ATRNL1: variants seen among roughly 807,000 people sequenced by gnomAD.
The protein encoded by ATRNL1 is attractin like 1, also known as attractin-like protein 1.
Under a neutral mutation model 182.7 loss-of-function variants are expected in ATRNL1, and 95 were observed. The observed-to-expected ratio is 0.52, with a 90% CI of 0.44 to 0.62. The LOEUF is 0.62. ATRNL1 is among the 20% of genes least tolerant of loss of function. The pLI is 0.00. For synonymous variants in ATRNL1, 576 were observed against 568.3 expected, an observed-to-expected ratio of 1.01 and a Z score of -0.19; for missense variants, 1,471 against 1,679.5, an observed-to-expected ratio of 0.88 and a Z score of 2.17.
chr10:115,530,629 T>TTTA (rs1164681076), intron 25 of ATRNL1, among the ~76,000 whole-genome samples: 11 of 151,792 alleles, frequency 7.2e-5, no homozygotes, highest in African/African-American at 2.7e-4. Context: ...AATAAGACTT[T>TTTA]TTATTATTAT....
chr10:115,213,650 C>T (rs1849114853), intron 8 of ATRNL1, among the ~76,000 whole-genome samples: 2 of 150,666 alleles, frequency 1.3e-5, no homozygotes, highest in Non-Finnish European at 2.9e-5. Context: ...AATCAGTCTA[C>T]ACTATCTTGT....
At chr10:115,291,862 A>G (rs1299733692) in intron 15 of ATRNL1, among the ~76,000 whole-genome samples, 1 of 114,674 alleles carries the variant, frequency 8.7e-6, no homozygotes, top group African/African-American at 3.4e-5. Flanking sequence ...TATCAGTGTT[A>G]TGCTGACCTC....
At chr10:115,855,632 A>G (rs1410585527) in intron 28 of ATRNL1, among the ~76,000 whole-genome samples, 1 of 152,196 alleles carries the variant, frequency 6.6e-6, no homozygotes, top group Non-Finnish European at 1.5e-5. Flanking sequence ...ATACTCCACA[A>G]ATGTATACTT....
chr10:115,597,727 T>C (rs1488989821), intron 26 of ATRNL1: 5 of 445,290 alleles, frequency 1.1e-5, no homozygotes, highest in Admixed American at 9.8e-5. Flanking sequence ...TTGTATTTTT[T>C]AGTAGAGATG....
Position 115,165,522 on chromosome 10 carries a change from T to G in ATRNL1, c.1005-36T>G, listed in dbSNP as rs1554884153. 7 of 1,243,180 alleles carry G rather than the reference T, an allele frequency of 5.6e-6. No homozygotes were observed. In the Admixed American group the frequency reaches 9.3e-5, roughly 16 times the overall value. 77.0% of individuals were successfully genotyped at this position (1,243,180 alleles called of 1,614,324 possible). On this transcript the variant is annotated intron_variant, in intron 6 of 28. Coordinates refer to ENST00000355044, the MANE Select transcript of ATRNL1 (RefSeq NM_207303.4). ...AAAATTAAAAAAACAAAAATGAATC[T>G]TAGCTTATGAAGTTATTTTCTTTTC...
Position 115,883,162 on chromosome 10 carries a change from A to G in ATRNL1, c.4018+35171A>G, listed in dbSNP as rs1023130049. 6.6e-5 allele frequency among the ~76,000 whole-genome samples: 10 copies of G among 152,302 alleles called. No individual in the cohort carries two copies. The East Asian group carries it at 1.7e-3, about 26-fold the overall frequency. On this transcript the variant is annotated intron_variant, in intron 28 of 28. Coordinates refer to ENST00000355044, the MANE Select transcript of ATRNL1 (RefSeq NM_207303.4). ...CTGGACCCTGGACAACTCTATACCC[A>G]TCCAAGAACAACATCCATGCAAGAA...
At chr10:115,912,968 A>C (rs546273900) in intron 28 of ATRNL1, among the ~76,000 whole-genome samples, 113 of 152,240 alleles carry the variant, frequency 7.4e-4, no homozygotes, top group African/African-American at 2.6e-3. Context: ...CCAATTCCCC[A>C]CAGTGTCCCT....
In ATRNL1 at chr10:115,394,686, T is replaced by C. The variant is rs781957136; in HGVS notation, c.3203T>C (p.Ile1068Thr). 28 of 1,611,880 alleles carry C rather than the reference T, an allele frequency of 1.7e-5. No homozygotes were observed. The highest frequency in any genetic ancestry group is 2.4e-5 in the Non-Finnish European group (28 of 1,178,596). Residue 1068 changes from isoleucine (I) to threonine (T), a missense_variant, in exon 20 of 29, where the codon ATC becomes ACC. Transcript: ENST00000355044. The part of the protein sequence containing the change: ...TACTCSGHAN[I>T]CHLHTGKCFC... ...TGTACATGCAGTGGCCATGCAAATA[T>C]CTGTCATCTGCACACAGGAAAATGT...
At chr10:115,475,596 G>A (rs1554972946) in intron 24 of ATRNL1, among the ~76,000 whole-genome samples, 1 of 151,244 alleles carries the variant, frequency 6.6e-6, no homozygotes, top group African/African-American at 2.4e-5. Context: ...ATTCCTCTGA[G>A]CTTCAATTAC....
intron 1 of ATRNL1, among the ~76,000 whole-genome samples, chr10:115,119,086 A>G (rs1386125704): frequency 1.3e-5 from 2 of 152,136 alleles, no homozygotes; most frequent in Non-Finnish European, 2.9e-5. Flanking sequence ...AAAATGCTTA[A>G]GTTATTATTA....
chr10:115,522,574 A>G (rs994306476), intron 25 of ATRNL1, among the ~76,000 whole-genome samples: 2 of 152,176 alleles, frequency 1.3e-5, no homozygotes, highest in Admixed American at 6.5e-5. Flanking sequence ...ATAGCATTCT[A>G]TCCCTGGCCC....
At chr10:115,611,528 A>G (rs1857160410) in intron 26 of ATRNL1, among the ~76,000 whole-genome samples, 1 of 152,232 alleles carries the variant, frequency 6.6e-6, no homozygotes, top group East Asian at 1.9e-4. Context: ...TTTATTAACT[A>G]CTGTCTTTCA....
intron 19 of ATRNL1, among the ~76,000 whole-genome samples, chr10:115,388,252 T>G (rs1300312869): frequency 6.6e-6 from 1 of 152,186 alleles, no homozygotes; most frequent in African/African-American, 2.4e-5. Flanking sequence ...CTAAAGTCTT[T>G]CTATTTGTCT....
chr10:115,299,744 A>G (rs1251679769), intron 15 of ATRNL1, among the ~76,000 whole-genome samples: 7 of 152,190 alleles, frequency 4.6e-5, no homozygotes, highest in African/African-American at 7.2e-5. Flanking sequence ...CAGATAGATA[A>G]TTATATCTCC....
chr10:115,470,893 T>C (rs2134570865), intron 24 of ATRNL1, among the ~76,000 whole-genome samples: 1 of 150,904 alleles, frequency 6.6e-6, no homozygotes, highest in African/African-American at 2.4e-5. Flanking sequence ...TGTTTATTTA[T>C]AAGACTAGAA....
chr10:115,313,801 C>T (rs1471625819), intron 17 of ATRNL1, among the ~76,000 whole-genome samples: 4 of 152,218 alleles, frequency 2.6e-5, no homozygotes, highest in Non-Finnish European at 5.9e-5. Flanking sequence ...TTTCTCCTCA[C>T]GTGATATATG....
chr10:115,216,872 A>C (rs1348773055), intron 9 of ATRNL1, among the ~76,000 whole-genome samples: 1 of 151,686 alleles, frequency 6.6e-6, no homozygotes, highest in Non-Finnish European at 1.5e-5. Context: ...TCTTTTGGTA[A>C]TTTTGATAAT....
At chr10:115,752,855 T>C (rs1187490368) in intron 27 of ATRNL1, among the ~76,000 whole-genome samples, 7 of 152,128 alleles carry the variant, frequency 4.6e-5, no homozygotes, top group Admixed American at 1.3e-4. Flanking sequence ...CTTTTCATTT[T>C]CTTTGCTTTA....
intron 1 of ATRNL1, among the ~76,000 whole-genome samples, chr10:115,099,081 C>T (rs1311159674): frequency 6.6e-6 from 1 of 152,176 alleles, no homozygotes; most frequent in Non-Finnish European, 1.5e-5. Context: ...TTTGTAAACC[C>T]TCCCTTTTCT....
Sources: allele counts gnomAD v4.1 joint callset (sites outside exome capture counted in the v4.1 genomes callset), GRCh38; gene constraint gnomAD v4.1.1; transcripts MANE v1.5; gene names NCBI Gene and HGNC (gene_info 2026-07-23, HGNC 2026-07-21).